The following SIPA1L1 variants were observed in gnomAD, a reference collection of about 807,000 sequenced individuals.
SIPA1L1 encodes the protein signal induced proliferation associated 1 like 1.
Under a neutral mutation model 162.7 loss-of-function variants are expected in SIPA1L1, and 26 were observed. The ratio of observed to expected loss-of-function variants is 0.16; its 90% CI spans 0.12 to 0.22. The LOEUF (loss-of-function observed/expected upper bound fraction) is 0.22, where lower values mean the gene tolerates loss of function less well. Among genes scored for constraint, SIPA1L1 ranks in the 10% least tolerant of loss-of-function variants. SIPA1L1 has a pLI of 1.00. For missense variants in SIPA1L1, 1,874 were observed against 2,241.0 expected (o/e 0.84, Z 3.31); for synonymous variants, 829 against 837.4 (o/e 0.99, Z 0.17).
intron 7 of SIPA1L1, among the ~76,000 whole-genome samples, chr14:71,643,429 CTTT>C (rs1343543239): frequency 6.6e-6 from 1 of 152,118 alleles, no homozygotes; most frequent in African/African-American, 2.4e-5. Flanking sequence ...GTTCATAAGA[CTTT>C]TTTGTGTGTT....
intron 2 of SIPA1L1, among the ~76,000 whole-genome samples, chr14:71,375,851 T>C (rs950296207): frequency 6.6e-6 from 1 of 152,178 alleles, no homozygotes. Context: ...CTTTAATCTG[T>C]TAATATGATG....
chr14:71,326,777 T>C (rs1371844515), intron 2 of SIPA1L1, among the ~76,000 whole-genome samples: 2 of 137,254 alleles, frequency 1.5e-5, no homozygotes, highest in African/African-American at 2.7e-5. Flanking sequence ...AGTGACACCA[T>C]CTCTGCTCAC....
intron 2 of SIPA1L1, among the ~76,000 whole-genome samples, chr14:71,376,990 C>T (rs759511714): frequency 6.6e-6 from 1 of 152,220 alleles, no homozygotes; most frequent in Non-Finnish European, 1.5e-5. Flanking sequence ...ACATTTCCCC[C>T]TTTCTATTCG....
chr14:71,676,002 A>C (rs2045129053), intron 12 of SIPA1L1, among the ~76,000 whole-genome samples: 1 of 150,666 alleles, frequency 6.6e-6, no homozygotes, highest in East Asian at 2.0e-4. Context: ...AAAGCCTGTA[A>C]TCCCAACAGT....
chr14:71,605,742 G>A (rs147528289), intron 5 of SIPA1L1, among the ~76,000 whole-genome samples: 218 of 152,326 alleles, frequency 1.4e-3, no homozygotes, highest in Non-Finnish European at 2.5e-3. Context: ...TGGGCCAATC[G>A]TCGAGTCCAG....
intron 3 of SIPA1L1, 148 bp downstream of exon 3, chr14:71,512,993 G>T: frequency 6.6e-6 from 1 of 152,202 alleles, no homozygotes; most frequent in Non-Finnish European, 1.5e-5. Flanking sequence ...CCCTCAAGTT[G>T]TCCCACCTTT....
chr14:71,506,556 G>A (rs1054291669), intron 2 of SIPA1L1, among the ~76,000 whole-genome samples: 1 of 151,994 alleles, frequency 6.6e-6, no homozygotes, highest in African/African-American at 2.4e-5. Context: ...GGCCAGACAG[G>A]TCTCGAACTC....
At chr14:71,413,277 A>G (rs754072799) in intron 2 of SIPA1L1, among the ~76,000 whole-genome samples, 1 of 152,210 alleles carries the variant, frequency 6.6e-6, no homozygotes, top group African/African-American at 2.4e-5. Context: ...CATGTGATGG[A>G]CCAACTCATC....
intron 12 of SIPA1L1, among the ~76,000 whole-genome samples, 174 bp downstream of exon 12, chr14:71,672,796 G>C (rs1446585630): frequency 6.6e-6 from 1 of 152,198 alleles, no homozygotes; most frequent in South Asian, 2.1e-4. Context: ...CTTTCAGTGT[G>C]TGGTGACAGC....
At chr14:71,438,125 A>G (rs540582161) in intron 2 of SIPA1L1, among the ~76,000 whole-genome samples, 17 of 152,240 alleles carry the variant, frequency 1.1e-4, no homozygotes, top group African/African-American at 3.4e-4. Context: ...TTGATTCTCT[A>G]CCTTACTTTT....
chr14:71,481,515 C>G (rs1000553426), intron 2 of SIPA1L1, among the ~76,000 whole-genome samples: 1 of 151,060 alleles, frequency 6.6e-6, no homozygotes, highest in African/African-American at 2.4e-5. Context: ...ACAACAACAA[C>G]AGCAAAAAAA....
At chr14:71,704,874 T>A in intron 15 of SIPA1L1, 1 of 806,532 alleles carries the variant, frequency 1.2e-6, no homozygotes, top group Non-Finnish European at 2.1e-6. Flanking sequence ...TAGCCACACT[T>A]GGCAATGAAT....
chr14:71,661,835 A>G (rs1166699635), intron 10 of SIPA1L1, among the ~76,000 whole-genome samples: 1 of 152,226 alleles, frequency 6.6e-6, no homozygotes, highest in Non-Finnish European at 1.5e-5. Context: ...AATTTTTTGA[A>G]AAGCATTGTT....
chr14:71,670,568 C>T (rs566136360), intron 10 of SIPA1L1, among the ~76,000 whole-genome samples: 1 of 152,230 alleles, frequency 6.6e-6, no homozygotes, highest in East Asian at 1.9e-4. Flanking sequence ...TGCATAATGC[C>T]TCACACTTAG....
At chr14:71,388,360 A>G (rs1257662305) in intron 2 of SIPA1L1, among the ~76,000 whole-genome samples, 1 of 152,238 alleles carries the variant, frequency 6.6e-6, no homozygotes, top group Non-Finnish European at 1.5e-5. Context: ...TGTATTTGGG[A>G]GATCATTCAC....
intron 2 of SIPA1L1, among the ~76,000 whole-genome samples, chr14:71,365,255 C>T (rs1672781597): frequency 6.6e-6 from 1 of 151,798 alleles, no homozygotes; most frequent in African/African-American, 2.4e-5. Context: ...CTCAAGCAAT[C>T]CTCCTGCCTC....
At chr14:71,400,772 T>C (rs896451827) in intron 2 of SIPA1L1, 14 of 152,186 alleles carry the variant, frequency 9.2e-5, no homozygotes, top group African/African-American at 3.4e-4. Flanking sequence ...CTGATCTTAA[T>C]GTTTTGTCGT....
In SIPA1L1 at chr14:71,466,579, T is replaced by TG. The variant is rs1472252115; in HGVS notation, c.-464-46163dup. On this transcript the variant is annotated intron_variant, in intron 2 of 23. Coordinates refer to ENST00000381232, the MANE Select transcript of SIPA1L1 (RefSeq NM_001386936.1). ...ACAACAGGCATTAATAGAGCCATAC[T>TG]GAAAAAAAAAAAAAAAACAGTAATA... 2.9e-5 allele frequency among the ~76,000 whole-genome samples: 4 copies of TG among 137,866 alleles called. No homozygotes were observed. The East Asian group carries it at 8.5e-4, about 29-fold the overall frequency. 90.4% of individuals were successfully genotyped at this position (137,866 alleles called of 152,430 possible).
chr14:71,641,934 G>A (rs1171759264), intron 7 of SIPA1L1, among the ~76,000 whole-genome samples: 2 of 152,184 alleles, frequency 1.3e-5, no homozygotes, highest in African/African-American at 2.4e-5. Context: ...TGGGGTAATG[G>A]CAGTGTTCTG....
Sources: gnomAD v4.1 joint callset for allele counts (sites outside exome capture counted in the v4.1 genomes callset) on GRCh38, gnomAD v4.1.1 for gene constraint, MANE v1.5 for transcripts, NCBI Gene and HGNC (gene_info 2026-07-23, HGNC 2026-07-21) for gene names.